Variants in KIF13A observed in about 807,000 individuals in gnomAD.
The protein encoded by KIF13A is kinesin-like protein KIF13A.
Under a neutral mutation model 212.2 loss-of-function variants are expected in KIF13A, and 79 were observed. The ratio of observed to expected loss-of-function variants is 0.37; its 90% confidence interval spans 0.31 to 0.45. KIF13A has a LOEUF of 0.45. Among genes scored for constraint, KIF13A ranks in the 20% least tolerant of loss-of-function variants. The pLI is 1.00. For synonymous variants in KIF13A, 789 were observed against 808.6 expected, an observed-to-expected ratio of 0.98 and a Z score of 0.41; for missense variants, 1,901 against 2,209.0, an observed-to-expected ratio of 0.86 and a Z score of 2.79.
At chr6:17,962,718 C>A (rs1469619283) in intron 2 of KIF13A, among the ~76,000 whole-genome samples, 3 of 152,180 alleles carry the variant, frequency 2.0e-5, no homozygotes, top group Admixed American at 6.5e-5. Flanking sequence ...TCTGGCCAGA[C>A]AAATTCCTGT....
rs1351261913 is a variant in KIF13A, at chr6:17,855,497, A to G, written c.434T>C (p.Val145Ala). Residue 145 changes from valine (V) to alanine (A), a missense_variant, in exon 6 of 39, where the codon GTT becomes GCT. By Grantham distance (64) the Val-to-Ala change is moderately conservative (BLOSUM62 0). This residue lies in a region of KIF13A where 506 missense variants were observed against 637.4 expected (regional missense o/e 0.79). Coordinates refer to ENST00000259711, the MANE Select transcript of KIF13A (RefSeq NM_022113.6). The surrounding 1 kb of genome is among the most constrained non-coding windows in gnomAD (Gnocchi z 4.1). ...ATAAATTTCCATATAGGACACTTCA[A>G]CTTTAAAGGTCTGTGACTCATTTTG... ...LEQNESQTFK[V>A]EVSYMEIYNE... 2 of 1,613,776 alleles carry G rather than the reference A, an allele frequency of 1.2e-6. No homozygotes were observed. The highest frequency in any genetic ancestry group is 1.7e-6 in the Non-Finnish European group (2 of 1,179,774).
At chr6:17,975,095 G>C (rs1005222521) in intron 2 of KIF13A, among the ~76,000 whole-genome samples, 5 of 152,250 alleles carry the variant, frequency 3.3e-5, no homozygotes, top group African/African-American at 9.6e-5. Context: ...TGTAATCCCA[G>C]AACTTTGAGA....
chr6:17,950,484 C>T, intron 2 of KIF13A: 1 of 985,068 alleles, frequency 1.0e-6, no homozygotes, highest in African/African-American at 1.7e-5. Flanking sequence ...AATTTACCTT[C>T]TTACACTCTT....
intron 4 of KIF13A, among the ~76,000 whole-genome samples, chr6:17,868,550 T>C (rs1021701040): frequency 2.2e-5 from 3 of 138,882 alleles, no homozygotes; most frequent in African/African-American, 8.1e-5. Flanking sequence ...AGGTTATTTC[T>C]GTTTTTTTTT....
intron 3 of KIF13A, among the ~76,000 whole-genome samples, chr6:17,876,514 T>C (rs1479634740): frequency 2.0e-5 from 3 of 152,348 alleles, no homozygotes; most frequent in South Asian, 2.1e-4. Context: ...AAAGGAATCA[T>C]CTTTTCTTTC....
chr6:17,775,586 C>G (rs922545479), intron 34 of KIF13A, among the ~76,000 whole-genome samples: 2 of 152,178 alleles, frequency 1.3e-5, no homozygotes, highest in Non-Finnish European at 2.9e-5. Flanking sequence ...ACTGTGAATT[C>G]TCATCAACGA....
rs1320646935 is a variant in KIF13A at position 17,892,425 on chromosome 6, T to C, written c.159+5743A>G. Among the ~76,000 whole-genome samples, 1 of 152,192 alleles carries C rather than the reference T, an allele frequency of 6.6e-6. No homozygotes were observed. The highest frequency in any genetic ancestry group is 2.4e-5 in the African/African-American group (1 of 41,448). Reference sequence around the variant, plus strand: ...ATCAAGCTTTGTTCAAAACAGGCAATAGAGACACTGAAGGTATCAAGGTCC... The same window carrying C: ...ATCAAGCTTTGTTCAAAACAGGCAACAGAGACACTGAAGGTATCAAGGTCC... On this transcript the variant is annotated intron_variant, in intron 3 of 38. Transcript: ENST00000259711. This position sits in a 1 kb window ranked among gnomAD's most constrained non-coding sequence, Gnocchi z 4.7.
At position 17,872,371 on chromosome 6, in the gene KIF13A, A is replaced by C. The variant is rs1473241967; in HGVS notation, c.220+1006T>G. ...ATGTCATTCAGCTGATGCTCTTATA[A>C]GTAGAAATAAGGAGAAAACACTCAG... On this transcript the variant is annotated intron_variant, in intron 4 of 38. Transcript: ENST00000259711. This position sits in a 1 kb window ranked among gnomAD's most constrained non-coding sequence, Gnocchi z 4.7. 6.6e-6 allele frequency among the ~76,000 whole-genome samples: 1 copy of C among 152,190 alleles called. No homozygotes were observed. Among genetic ancestry groups the C allele is most frequent in the Non-Finnish European group, 1.5e-5 (1 of 68,046 alleles).
At chr6:17,950,714 GA>G in intron 2 of KIF13A, 1 of 982,984 alleles carries the variant, frequency 1.0e-6, no homozygotes, top group Non-Finnish European at 1.2e-6. Flanking sequence ...CCTAAAAAAC[GA>G]AATATATGAC....
chr6:17,762,235 C>T (rs1453141150), downstream of KIF13A, among the ~76,000 whole-genome samples: 10 of 139,766 alleles, frequency 7.2e-5, no homozygotes, highest in Admixed American at 3.1e-4. Context: ...TTTTTTGAGA[C>T]GGAGTCTTGC....
At chr6:17,880,187 C>T (rs185889651) in intron 3 of KIF13A, among the ~76,000 whole-genome samples, 1 of 152,294 alleles carries the variant, frequency 6.6e-6, no homozygotes, top group Admixed American at 6.5e-5. Flanking sequence ...TTCTCCTAGC[C>T]TCAAGTGATC....
intron 3 of KIF13A, among the ~76,000 whole-genome samples, chr6:17,875,712 C>T (rs1167990551): frequency 6.6e-6 from 1 of 152,126 alleles, no homozygotes; most frequent in Non-Finnish European, 1.5e-5. Flanking sequence ...GCCTCAGCCT[C>T]CCAAAGTGCT....
At position 17,783,613 on chromosome 6, in the gene KIF13A, C is replaced by T; in HGVS notation, c.3544+33G>A. ...ATAGATTACAAACCTTAGTTAAATA[C>T]AATAATCCCTGTGACTTTAAGTGTC... is the stretch of plus-strand genomic sequence containing the variant. On this transcript the variant is annotated intron_variant, in intron 29 of 38. Coordinates refer to ENST00000259711, the MANE Select transcript of KIF13A (RefSeq NM_022113.6). This position sits in a 1 kb window ranked among gnomAD's most constrained non-coding sequence, Gnocchi z 4.3. 1 of 1,382,606 alleles carries T rather than the reference C, an allele frequency of 7.2e-7. No homozygotes were observed. Among genetic ancestry groups the T allele is most frequent in the South Asian group, 1.2e-5 (1 of 81,070 alleles). 85.6% of individuals were successfully genotyped at this position (1,382,606 alleles called of 1,614,324 possible).
At chr6:17,830,526 A>G (rs1410725342) in intron 13 of KIF13A, among the ~76,000 whole-genome samples, 3 of 152,148 alleles carry the variant, frequency 2.0e-5, no homozygotes, top group Non-Finnish European at 4.4e-5. Context: ...AAGCTATCCA[A>G]CGTGGCATGT....
chr6:17,952,658 T>C (rs1581834976), intron 2 of KIF13A, among the ~76,000 whole-genome samples: 1 of 151,742 alleles, frequency 6.6e-6, no homozygotes, highest in East Asian at 1.9e-4. Context: ...AAGCCGGGCG[T>C]GGTGGCTCAT....
At chr6:17,974,404 A>G (rs976570495) in intron 2 of KIF13A, among the ~76,000 whole-genome samples, 1 of 152,160 alleles carries the variant, frequency 6.6e-6, no homozygotes. Flanking sequence ...TACTAGACCG[A>G]CGGTTTTCAA....
chr6:17,939,543 C>T (rs1262477180), intron 2 of KIF13A, among the ~76,000 whole-genome samples: 1 of 152,156 alleles, frequency 6.6e-6, no homozygotes, highest in African/African-American at 2.4e-5. Flanking sequence ...AAGGCTGAGA[C>T]CTACTGGTCT....
At chr6:17,835,673 A>C (rs1765893533) in intron 11 of KIF13A, among the ~76,000 whole-genome samples, 1 of 152,238 alleles carries the variant, frequency 6.6e-6, no homozygotes, top group African/African-American at 2.4e-5. Flanking sequence ...GCCTGGAAGA[A>C]GAGAAAGATA....
In KIF13A at chr6:17,825,107, G is replaced by C. The variant is rs973630158; in HGVS notation, c.1786+661C>G. 6.6e-6 allele frequency among the ~76,000 whole-genome samples: 1 copy of C among 152,140 alleles called. No homozygotes were observed. Among genetic ancestry groups the C allele is most frequent in the Non-Finnish European group, 1.5e-5 (1 of 68,032 alleles). On this transcript the variant is annotated intron_variant, in intron 16 of 38. Transcript: ENST00000259711. This position sits in a 1 kb window ranked among gnomAD's most constrained non-coding sequence, Gnocchi z 4.5. ...CTGGGAGATGGGAAAAGAAAGGGCA[G>C]ATTTATAAAACAGCAAAAAAGGAAA...
Sources: gnomAD v4.1 joint callset for allele counts (sites outside exome capture counted in the v4.1 genomes callset) on GRCh38, gnomAD v4.1.1 for gene constraint, gnomAD v4.1.1 regional missense constraint, Gnocchi (gnomAD v3.1) non-coding constraint, MANE v1.5 for transcripts, NCBI Gene and HGNC (gene_info 2026-07-23, HGNC 2026-07-21) for gene names.